CTNNA3: variants seen among roughly 807,000 people sequenced by gnomAD.
CTNNA3 encodes the protein catenin alpha 3.
Under a neutral mutation model 95.7 loss-of-function variants are expected in CTNNA3, and 76 were observed. The observed-to-expected ratio is 0.79, with a 90% confidence interval of 0.66 to 0.96. The LOEUF is 0.96. CTNNA3 is among the 40% of genes least tolerant of loss of function. The pLI, the probability that CTNNA3 is intolerant of heterozygous loss-of-function variation, is 0.00. For synonymous variants in CTNNA3, 431 were observed against 374.4 expected (o/e 1.15, Z -1.74); for missense variants, 1,191 against 1,089.8 (o/e 1.09, Z -1.31).
At chr10:66,171,500 C>T (rs10996949) in intron 13 of CTNNA3, among the ~76,000 whole-genome samples, 4,570 of 149,634 alleles carry the variant, frequency 0.031, 243 homozygotes, top group African/African-American at 0.11. Flanking sequence ...GAGCAGAGAT[C>T]GCGCCACTGC....
chr10:67,421,080 T>G (rs1180395105), intron 5 of CTNNA3, among the ~76,000 whole-genome samples: 2 of 152,104 alleles, frequency 1.3e-5, no homozygotes, highest in African/African-American at 4.8e-5. Flanking sequence ...TTCACTAAAG[T>G]CTAGGGAACA....
chr10:67,158,180 C>T (rs558845935), intron 7 of CTNNA3, among the ~76,000 whole-genome samples: 7 of 152,156 alleles, frequency 4.6e-5, no homozygotes, highest in African/African-American at 9.6e-5. Flanking sequence ...CCCATAAAAA[C>T]AGGCAAACTC....
chr10:67,747,305 T>C (rs1371209165), intron 1 of CTNNA3, among the ~76,000 whole-genome samples: 1 of 152,204 alleles, frequency 6.6e-6, no homozygotes, highest in Non-Finnish European at 1.5e-5. Flanking sequence ...AAGTGGGTCC[T>C]GGATCCCATG....
chr10:66,444,027 G>A (rs758924233), intron 11 of CTNNA3, among the ~76,000 whole-genome samples: 5 of 152,122 alleles, frequency 3.3e-5, no homozygotes, highest in African/African-American at 9.7e-5. Context: ...CGTGAAGAAC[G>A]CAGAAGCCTC....
intron 7 of CTNNA3, among the ~76,000 whole-genome samples, chr10:67,041,641 T>C (rs1302251001): frequency 6.6e-6 from 1 of 152,136 alleles, no homozygotes; most frequent in African/African-American, 2.4e-5. Context: ...GGCTACCTCA[T>C]ACCTCTAAAG....
chr10:66,323,034 A>G (rs922080984), intron 12 of CTNNA3, among the ~76,000 whole-genome samples: 1 of 151,820 alleles, frequency 6.6e-6, no homozygotes, highest in Non-Finnish European at 1.5e-5. Context: ...TGAACAAACA[A>G]AAGTCAGGAC....
upstream of CTNNA3, among the ~76,000 whole-genome samples, chr10:67,698,995 C>T (rs115278266): frequency 0.013 from 1,926 of 152,214 alleles, 44 homozygotes; most frequent in African/African-American, 0.044. Context: ...CCCACTAACA[C>T]CGAGCCTCAT....
intron 1 of CTNNA3, among the ~76,000 whole-genome samples, chr10:67,751,554 AAAAT>A (rs1031978726): frequency 2.6e-5 from 4 of 152,020 alleles, no homozygotes; most frequent in Non-Finnish European, 5.9e-5. Flanking sequence ...TCGTAAAAAA[AAAAT>A]AGACCGCTAA....
intron 7 of CTNNA3, among the ~76,000 whole-genome samples, chr10:66,900,991 A>T (rs909671551): frequency 2.1e-4 from 32 of 152,340 alleles, no homozygotes; most frequent in African/African-American, 7.2e-4. Flanking sequence ...CAGTCTAGCA[A>T]AGCAGGCCAA....
chr10:67,210,173 G>T (rs1055326725), intron 6 of CTNNA3, among the ~76,000 whole-genome samples: 2 of 151,974 alleles, frequency 1.3e-5, no homozygotes, highest in African/African-American at 4.8e-5. Flanking sequence ...CAGGCATGAT[G>T]GCATGCACCT....
chr10:65,947,703 T>C (rs927019936), intron 17 of CTNNA3, among the ~76,000 whole-genome samples: 6 of 152,262 alleles, frequency 3.9e-5, no homozygotes, highest in Admixed American at 2.0e-4. Context: ...TTTAAACTTT[T>C]GTTGTGTTGA....
chr10:66,717,200 C>A (rs142948073), intron 9 of CTNNA3, among the ~76,000 whole-genome samples: 1 of 152,034 alleles, frequency 6.6e-6, no homozygotes, highest in Admixed American at 6.6e-5. Flanking sequence ...ATAAAACCTA[C>A]GCGATAGATT....
At chr10:66,844,972 T>C (rs541132970) in intron 7 of CTNNA3, among the ~76,000 whole-genome samples, 31 of 152,260 alleles carry the variant, frequency 2.0e-4, no homozygotes, top group African/African-American at 6.7e-4. Flanking sequence ...TGAGAACAAG[T>C]AAAGGTATAA....
At chr10:67,300,084 T>C (rs1840205452) in intron 5 of CTNNA3, among the ~76,000 whole-genome samples, 1 of 152,220 alleles carries the variant, frequency 6.6e-6, no homozygotes, top group African/African-American at 2.4e-5. Context: ...TTCAGACCTA[T>C]TGAATTAGAA....
At chr10:66,504,207 TCTCCCTTTACCAGCAGTC>T in intron 11 of CTNNA3, among the ~76,000 whole-genome samples, 1 of 152,232 alleles carries the variant, frequency 6.6e-6, no homozygotes, top group East Asian at 1.9e-4. Flanking sequence ...TCCCCAGTCC[TCTCCCTTTACCAGCAGTC>T]CTTGGTAACC....
intron 7 of CTNNA3, among the ~76,000 whole-genome samples, chr10:67,170,049 G>A (rs1272058618): frequency 1.3e-5 from 2 of 152,088 alleles, no homozygotes; most frequent in Non-Finnish European, 2.9e-5. Context: ...TTAGAGAAAC[G>A]CAAATCAAAA....
intron 15 of CTNNA3, among the ~76,000 whole-genome samples, chr10:66,018,885 T>C (rs527705620): frequency 6.6e-6 from 1 of 150,768 alleles, no homozygotes; most frequent in South Asian, 2.1e-4. Flanking sequence ...AGATGATCAA[T>C]CACATTCACG....
chr10:66,619,415 C>T (rs1424621461), intron 10 of CTNNA3, among the ~76,000 whole-genome samples: 1 of 128,008 alleles, frequency 7.8e-6, no homozygotes, highest in Non-Finnish European at 1.7e-5. Flanking sequence ...TTTGTAGGGA[C>T]GTGGATGAAG....
intron 13 of CTNNA3, among the ~76,000 whole-genome samples, chr10:66,198,035 T>C (rs948807981): frequency 2.0e-5 from 3 of 152,176 alleles, no homozygotes; most frequent in African/African-American, 7.2e-5. Flanking sequence ...GGCTTCATCT[T>C]TTGTTCCTCA....
Sources: allele counts gnomAD v4.1 joint callset (sites outside exome capture counted in the v4.1 genomes callset), GRCh38; gene constraint gnomAD v4.1.1; transcripts MANE v1.5; gene names NCBI Gene and HGNC (gene_info 2026-07-23, HGNC 2026-07-21).